The following NUTF2 variants were observed in gnomAD, a reference collection of about 807,000 sequenced individuals.
NUTF2 encodes placental protein 15.
In NUTF2, 3 loss-of-function variants were observed where a neutral mutation model predicts 18.5. That is an observed-to-expected ratio of 0.16 (90% confidence interval 0.07 to 0.42). The LOEUF (loss-of-function observed/expected upper bound fraction) is 0.42, where lower values mean the gene tolerates loss of function less well. Ranked by LOEUF, NUTF2 falls within the 10% of genes least tolerant of loss-of-function variation. The pLI, the probability that NUTF2 is intolerant of heterozygous loss-of-function variation, is 0.99. For missense variants in NUTF2, 44 were observed against 160.7 expected, an observed-to-expected ratio of 0.27 and a Z score of 3.93; for synonymous variants, 51 against 57.9, an observed-to-expected ratio of 0.88 and a Z score of 0.54.
chr16:67,858,997 C>T (rs982071703), intron 1 of NUTF2, among the ~76,000 whole-genome samples: 1 of 147,694 alleles, frequency 6.8e-6, no homozygotes, highest in Admixed American at 6.7e-5. Flanking sequence ...CCACTATGTC[C>T]AGCTTTTTTT....
intron 1 of NUTF2, among the ~76,000 whole-genome samples, chr16:67,863,920 T>A (rs2057951219): frequency 6.6e-6 from 1 of 152,182 alleles, no homozygotes. Flanking sequence ...TGGTCTCTAG[T>A]TGGGAGGGGG....
intron 1 of NUTF2, 53 bp downstream of exon 1, chr16:67,847,038 C>T (rs894045764): frequency 2.0e-5 from 3 of 151,644 alleles, no homozygotes; most frequent in African/African-American, 4.8e-5. Flanking sequence ...AGGAGCCGCT[C>T]TCTGGGCTGC....
chr16:67,849,300 G>A (rs2057833987), intron 1 of NUTF2, among the ~76,000 whole-genome samples: 1 of 152,216 alleles, frequency 6.6e-6, no homozygotes, highest in Admixed American at 6.5e-5. Context: ...CGGCTATGGC[G>A]TAGTTTGCGT....
chr16:67,851,434 T>C (rs951072699), intron 1 of NUTF2, among the ~76,000 whole-genome samples: 6 of 150,872 alleles, frequency 4.0e-5, no homozygotes, highest in African/African-American at 1.5e-4. Context: ...TGAGCCAAGA[T>C]TGTGCCACTG....
intron 1 of NUTF2, among the ~76,000 whole-genome samples, chr16:67,851,656 G>A (rs376224350): frequency 6.6e-6 from 1 of 151,814 alleles, no homozygotes; most frequent in African/African-American, 2.4e-5. Context: ...ATCCCTCCCC[G>A]CTACCCCCGC....
chr16:67,869,829 T>C (rs1342119819), intron 4 of NUTF2: 1 of 152,160 alleles, frequency 6.6e-6, no homozygotes, highest in Non-Finnish European at 1.5e-5. Flanking sequence ...AAAACACCCT[T>C]CTTCCCAAAA....
At chr16:67,859,207 TCTCA>T (rs900351396) in intron 1 of NUTF2, among the ~76,000 whole-genome samples, 17 of 152,048 alleles carry the variant, frequency 1.1e-4, no homozygotes, top group African/African-American at 4.1e-4. Flanking sequence ...TGAGATGGAG[TCTCA>T]CTCTGTTGCC....
intron 1 of NUTF2, among the ~76,000 whole-genome samples, chr16:67,849,481 A>C (rs1417674185): frequency 6.0e-5 from 9 of 151,248 alleles, no homozygotes. Flanking sequence ...AGCTGGGACT[A>C]CAGGCGCACG....
intron 1 of NUTF2, among the ~76,000 whole-genome samples, chr16:67,852,948 G>A (rs1015850247): frequency 3.3e-5 from 5 of 152,168 alleles, no homozygotes; most frequent in African/African-American, 1.2e-4. Context: ...CTCCCAAAGT[G>A]CTGGGATTAC....
rs2058005004 is a variant in NUTF2 at position 67,870,639 on chromosome 16, T to C, written c.271-161T>C. ...CCAGGGCATTGTTTCATACATTACA[T>C]CAATTCACATTCACAAGTACCCCTT... On this transcript the variant is annotated intron_variant, in intron 4 of 4. Transcript: ENST00000219169. 9.1e-6 allele frequency: 6 copies of C among 662,740 alleles called. No homozygotes were observed. In the East Asian group the frequency reaches 1.6e-4, roughly 18 times the overall value. 41.1% of individuals were successfully genotyped at this position (662,740 alleles called of 1,614,324 possible). A position where few individuals can be genotyped will look rare whatever the true frequency, so the allele number is the denominator to read the frequency against.
rs547230936 is a variant in NUTF2, at chr16:67,859,821, T to C, written c.-29-5281T>C. On this transcript the variant is annotated intron_variant, in intron 1 of 4. Transcript: ENST00000219169. ...TTTTTTTTTTTTTTTTTTTTTTTTT[T>C]TGGAGATGGAGCCTCACTCTGTCAC... Among the ~76,000 whole-genome samples, 122 of 82,130 alleles carry C rather than the reference T, an allele frequency of 1.5e-3. 4 individuals are homozygous for C. In the South Asian group the frequency reaches 0.042, roughly 29 times the overall value. 53.9% of individuals were successfully genotyped at this position (82,130 alleles called of 152,430 possible). A position where few individuals can be genotyped will look rare whatever the true frequency, so the allele number is the denominator to read the frequency against.
chr16:67,861,297 T>C (rs912737416), intron 1 of NUTF2, among the ~76,000 whole-genome samples: 1 of 152,248 alleles, frequency 6.6e-6, no homozygotes, highest in African/African-American at 2.4e-5. Context: ...CTGTGCCTCA[T>C]ATGCATTAGT....
At chr16:67,870,691 C>A in intron 4 of NUTF2, 109 bp from the exon 5 acceptor site, 1 of 830,108 alleles carries the variant, frequency 1.2e-6, no homozygotes, top group Non-Finnish European at 2.1e-6. Context: ...GAGTTCAGGA[C>A]AGTAGGGCCT....
intron 3 of NUTF2, 38 bp from the exon 4 acceptor site, chr16:67,868,463 G>T (rs762390987): frequency 6.2e-7 from 1 of 1,613,722 alleles, no homozygotes; most frequent in Non-Finnish European, 8.5e-7. Flanking sequence ...CACCCCTTCT[G>T]GCCTTGGTTC....
intron 1 of NUTF2, among the ~76,000 whole-genome samples, chr16:67,850,779 T>G (rs1457901907): frequency 1.3e-5 from 2 of 152,064 alleles, no homozygotes; most frequent in Admixed American, 1.3e-4. Flanking sequence ...TTATGTCCCT[T>G]CGTGTATAGG....
At chr16:67,859,545 A>G (rs1229362377) in intron 1 of NUTF2, among the ~76,000 whole-genome samples, 1 of 151,820 alleles carries the variant, frequency 6.6e-6, no homozygotes, top group Non-Finnish European at 1.5e-5. Flanking sequence ...TTTAGTAGAG[A>G]CGGGATTTCT....
At chr16:67,865,297 C>T (rs1159012618) in intron 2 of NUTF2, 68 bp downstream of exon 2, 6 of 1,146,074 alleles carry the variant, frequency 5.2e-6, no homozygotes, top group Admixed American at 1.8e-5. Context: ...CCAGTGTGTC[C>T]AGTTCACAAG....
At chr16:67,852,351 CT>C (rs75813171) in intron 1 of NUTF2, among the ~76,000 whole-genome samples, 437 of 140,316 alleles carry the variant, frequency 3.1e-3, no homozygotes, top group Middle Eastern at 7.6e-3. Context: ...ATCTTTTTTT[CT>C]TTTTTTTTTT....
intron 2 of NUTF2, among the ~76,000 whole-genome samples, chr16:67,867,976 G>C (rs1440425690): frequency 6.6e-6 from 1 of 152,152 alleles, no homozygotes; most frequent in African/African-American, 2.4e-5. Flanking sequence ...GTGAGCCACC[G>C]TGCCTGGCCA....
Sources: gnomAD v4.1 joint callset for allele counts (sites outside exome capture counted in the v4.1 genomes callset) on GRCh38, gnomAD v4.1.1 for gene constraint, MANE v1.5 for transcripts, NCBI Gene and HGNC (gene_info 2026-07-23, HGNC 2026-07-21) for gene names.